Variants in HOXA1 observed in about 807,000 individuals in gnomAD.
HOXA1 encodes homeobox A1, also known as homeobox protein Hox-A1.
Under a neutral mutation model 28.3 loss-of-function variants are expected in HOXA1, and 21 were observed. That is an observed-to-expected ratio of 0.74 (90% CI 0.53 to 1.07). HOXA1 has a LOEUF of 1.07. Among genes scored for constraint, HOXA1 ranks in the 50% least tolerant of loss-of-function variants. HOXA1 has a pLI of 0.00. For synonymous variants in HOXA1, 208 were observed against 181.2 expected (o/e 1.15, Z -1.19); for missense variants, 446 against 434.3 (o/e 1.03, Z -0.24).
Position 27,095,603 on chromosome 7 carries a change from AG to A in HOXA1, c.309del (p.Phe104SerfsTer10). 6.2e-7 allele frequency: 1 copy of A among 1,614,072 alleles called. No homozygotes were observed. The highest frequency in any genetic ancestry group is 8.5e-7 in the Non-Finnish European group (1 of 1,180,010). ...SSCGPSYGSQ[N>X]FSAPYSPYAL... ...GCGTAGGGGCTGTAAGGCGCACTGA[AG>A]TTCTGTGAGCCATAGCTTGGACCAC... On this transcript the variant is annotated frameshift_variant, in exon 1 of 2. Transcript: ENST00000643460. LOFTEE classifies it high-confidence loss of function.
chr7:27,094,423 C>T lies in HOXA1; in HGVS notation c.*17G>A. The T allele has an allele frequency of 1.3e-6, 2 of 1,578,258 alleles. No homozygotes were observed. The highest frequency in any genetic ancestry group is 8.7e-7 in the Non-Finnish European group (1 of 1,147,732). On this transcript the variant is annotated 3_prime_UTR_variant, in exon 2 of 2. Transcript: ENST00000643460. The stretch of plus-strand genomic sequence containing the variant: ...CCCAAGGAGATGCCTGGGCTGTTGT[C>T]TGGGGCTGGAGCCGCCTCAGTGGGA...
chr7:27,095,823 C>G lies in HOXA1; in HGVS notation c.90G>C (p.Ser30=), dbSNP rs1783812844. The G allele has an allele frequency of 3.1e-6, 5 of 1,613,930 alleles. No individual in the cohort carries two copies. Among genetic ancestry groups the G allele is most frequent in the Non-Finnish European group, 3.4e-6 (4 of 1,179,980 alleles). The part of the protein sequence containing the change: ...SGTCSARAYP[S]DHRITTFQSC... ...ACTGGAAAGTTGTAATCCTATGGTC[C>G]GAGGGGTAGGCTCGGGCTGAGCAGG... The change falls in exon 1 of 2, where the codon TCG becomes TCC. Residue 30 remains serine (S), a synonymous_variant. Coordinates refer to ENST00000643460, the MANE Select transcript of HOXA1 (RefSeq NM_005522.5).
Position 27,094,084 on chromosome 7 carries a change from A to G in HOXA1, c.*356T>C. On this transcript the variant is annotated 3_prime_UTR_variant, in exon 2 of 2. Coordinates refer to ENST00000643460, the MANE Select transcript of HOXA1 (RefSeq NM_005522.5). ...AGGGGAGAGCTGTACATATAGTTAG[A>G]TAAAAGATGAGAAGATTCCTTCTGG... The G allele has an allele frequency of 3.3e-6, 1 of 305,548 alleles. No individual in the cohort carries two copies. Among genetic ancestry groups the G allele is most frequent in the South Asian group, 3.4e-5 (1 of 29,376 alleles). 18.9% of individuals were successfully genotyped at this position (305,548 alleles called of 1,614,324 possible). A position where few individuals can be genotyped will look rare whatever the true frequency, so the allele number is the denominator to read the frequency against.
rs73683592 is a variant in HOXA1 at position 27,093,970 on chromosome 7, A to T, written c.*470T>A. On this transcript the variant is annotated 3_prime_UTR_variant, in exon 2 of 2. Transcript: ENST00000643460. ...ACATGAAAATGACTTAAATTAAGGGATGAATTAATTGTGTAAACATATAGT... is the reference window on the plus strand; with the variant it reads ...ACATGAAAATGACTTAAATTAAGGGTTGAATTAATTGTGTAAACATATAGT... The T allele has an allele frequency of 8.8e-3, 1,422 of 161,184 alleles. 23 individuals are homozygous for T. Among genetic ancestry groups the T allele is most frequent in the African/African-American group, 0.032 (1,318 of 41,652 alleles). The allele number at this position is 161,184 out of a possible 1,614,324, so 10.0% of individuals were successfully genotyped here.
In HOXA1 at chr7:27,093,191, G is replaced by T. The variant is rs973397854; in HGVS notation, c.*1249C>A. ...GTTATTAACTTTTATTCAAGAAAAG[G>T]CCCATCTCTTTGAAAATATTTACCA... On this transcript the variant is annotated 3_prime_UTR_variant, in exon 2 of 2. Coordinates refer to ENST00000643460, the MANE Select transcript of HOXA1 (RefSeq NM_005522.5). The T allele has an allele frequency of 6.6e-6, 1 of 152,514 alleles. No homozygotes were observed. The highest frequency in any genetic ancestry group is 2.1e-4 in the South Asian group (1 of 4,822). 9.4% of individuals were successfully genotyped at this position (152,514 alleles called of 1,614,324 possible).
Position 27,094,548 on chromosome 7 carries a change from C to CG in HOXA1, c.899dup (p.Pro301AlafsTer116), listed in dbSNP as rs1315100953. The CG allele has an allele frequency of 1.9e-6, 3 of 1,614,180 alleles. No individual in the cohort carries two copies. The highest frequency in any genetic ancestry group is 2.5e-6 in the Non-Finnish European group (3 of 1,180,026). ...CCTCGGCCTTCTCGTCGTTTCCTGG[C>CG]GGGGTGGCCGGAGAGATGGGCAAGA... On this transcript the variant is annotated frameshift_variant, in exon 2 of 2. Coordinates refer to ENST00000643460, the MANE Select transcript of HOXA1 (RefSeq NM_005522.5). LOFTEE classifies it high-confidence loss of function.
chr7:27,095,117 T>G, intron 1 of HOXA1, 144 bp downstream of exon 1: 1 of 918,132 alleles, frequency 1.1e-6, no homozygotes. Context: ...CCCCAACACC[T>G]CTGGGCACCC....
Position 27,094,678 on chromosome 7 carries a change from G to A in HOXA1, c.770C>T (p.Ala257Val). The A allele has an allele frequency of 1.2e-6, 2 of 1,614,116 alleles. No homozygotes were observed. Among genetic ancestry groups the A allele is most frequent in the Non-Finnish European group, 1.7e-6 (2 of 1,179,988 alleles). The change falls in exon 2 of 2, where the codon GCC (alanine) becomes GTC (valine). Residue 257 changes from alanine to valine, a missense_variant. Ala to Val is a moderately conservative substitution (Grantham distance 64, BLOSUM62 0). Transcript: ENST00000643460. ...EFHFNKYLTR[A>V]RRVEIAASLQ... ...GGATGCAGCGATCTCCACCCTGCGG[G>A]CGCGCGTCAGGTACTTGTTGAAGTG...
chr7:27,093,600 G>A lies in HOXA1; in HGVS notation c.*840C>T, dbSNP rs1216871727. Reference sequence around the variant, plus strand: ...TATCCAGCTAAGATAACTGTGGAAGGAAGAAATTGGTTTGAATAATACTTT... The same window carrying A: ...TATCCAGCTAAGATAACTGTGGAAGAAAGAAATTGGTTTGAATAATACTTT... On this transcript the variant is annotated 3_prime_UTR_variant, in exon 2 of 2. Transcript: ENST00000643460. 2 of 152,596 alleles carry A rather than the reference G, an allele frequency of 1.3e-5. No individual in the cohort carries two copies. The highest frequency in any genetic ancestry group is 4.8e-5 in the African/African-American group (2 of 41,446). The allele number at this position is 152,596 out of a possible 1,614,324, so 9.5% of individuals were successfully genotyped here.
At chr7:27,095,174 A>G in intron 1 of HOXA1, 87 bp downstream of exon 1, 1 of 1,441,352 alleles carries the variant, frequency 6.9e-7, no homozygotes. Flanking sequence ...CTTTTAAAAA[A>G]AAGATCATTA....
rs756084993 is a variant in HOXA1, at chr7:27,094,421, G to T, written c.*19C>A. The T allele has an allele frequency of 1.3e-6, 2 of 1,562,526 alleles. No homozygotes were observed. The highest frequency in any genetic ancestry group is 1.8e-6 in the Non-Finnish European group (2 of 1,133,322). On this transcript the variant is annotated 3_prime_UTR_variant, in exon 2 of 2. Coordinates refer to ENST00000643460, the MANE Select transcript of HOXA1 (RefSeq NM_005522.5). ...AGCCCAAGGAGATGCCTGGGCTGTT[G>T]TCTGGGGCTGGAGCCGCCTCAGTGG...
chr7:27,095,847 G>A lies in HOXA1; in HGVS notation c.66C>T (p.Thr22=), dbSNP rs758043074. The part of the protein sequence containing the change: ...YPILSSGDSG[T]CSARAYPSDH... ...CCGAGGGGTAGGCTCGGGCTGAGCAGGTCCCCGAGTCGCCACTGCTAAGTA... is the reference window on the plus strand; with the variant it reads ...CCGAGGGGTAGGCTCGGGCTGAGCAAGTCCCCGAGTCGCCACTGCTAAGTA... Residue 22 remains threonine, a synonymous_variant, in exon 1 of 2, where the codon ACC becomes ACT. Coordinates refer to ENST00000643460, the MANE Select transcript of HOXA1 (RefSeq NM_005522.5). The A allele has an allele frequency of 2.5e-6, 4 of 1,613,904 alleles. No homozygotes were observed. In the Admixed American group the frequency reaches 6.7e-5, roughly 27 times the overall value.
In HOXA1 at chr7:27,095,499, G is replaced by A. The variant is rs1309905717; in HGVS notation, c.414C>T (p.Pro138=). 4 of 1,614,112 alleles carry A rather than the reference G, an allele frequency of 2.5e-6. No individual in the cohort carries two copies. Among genetic ancestry groups the A allele is most frequent in the East Asian group, 2.2e-5 (1 of 44,874 alleles). The change falls in exon 1 of 2, where the codon CCC becomes CCT. Residue 138 remains proline, a synonymous_variant. Coordinates refer to ENST00000643460, the MANE Select transcript of HOXA1 (RefSeq NM_005522.5). ...PAVYSGNLSS[P]MVQHHHHHQG... is the part of the protein sequence containing the mutation. ...GGTGGTGGTGGTGATGCTGGACCATGGGAGATGAGAGATTTCCAGAGTAAA... is the reference window on the plus strand; with the variant it reads ...GGTGGTGGTGGTGATGCTGGACCATAGGAGATGAGAGATTTCCAGAGTAAA...
In HOXA1 at chr7:27,095,820, G is replaced by A. The variant is rs1466607069; in HGVS notation, c.93C>T (p.Asp31=). Reference sequence around the variant, plus strand: ...ACGACTGGAAAGTTGTAATCCTATGGTCCGAGGGGTAGGCTCGGGCTGAGC... The same window carrying A: ...ACGACTGGAAAGTTGTAATCCTATGATCCGAGGGGTAGGCTCGGGCTGAGC... The part of the protein sequence containing the change: ...GTCSARAYPS[D]HRITTFQSCA... The change falls in exon 1 of 2, where the codon GAC becomes GAT. Residue 31 remains aspartate (D), a synonymous_variant. Transcript: ENST00000643460. 5 of 1,614,010 alleles carry A rather than the reference G, an allele frequency of 3.1e-6. No homozygotes were observed. The highest frequency in any genetic ancestry group is 1.3e-5 in the African/African-American group (1 of 75,028).
intron 1 of HOXA1, 99 bp from the exon 2 acceptor site, chr7:27,094,894 G>C: frequency 1.1e-6 from 1 of 914,946 alleles, no homozygotes; most frequent in South Asian, 1.4e-5. Context: ...GTAAAGAAAA[G>C]ATCAAGAACT....
At position 27,093,577 on chromosome 7, in the gene HOXA1, T is replaced by C. The variant is rs1481785144; in HGVS notation, c.*863A>G. 1 of 152,622 alleles carries C rather than the reference T, an allele frequency of 6.6e-6. No homozygotes were observed. Among genetic ancestry groups the C allele is most frequent in the Non-Finnish European group, 1.5e-5 (1 of 68,042 alleles). The allele number at this position is 152,622 out of a possible 1,614,324, so 9.5% of individuals were successfully genotyped here. ...ACAATTGAGCTGAAAATACATTATA[T>C]CCAGCTAAGATAACTGTGGAAGGAA... is the stretch of plus-strand genomic sequence containing the variant. On this transcript the variant is annotated 3_prime_UTR_variant, in exon 2 of 2. Coordinates refer to ENST00000643460, the MANE Select transcript of HOXA1 (RefSeq NM_005522.5).
intron 1 of HOXA1, 31 bp downstream of exon 1, chr7:27,095,230 C>G: frequency 6.2e-7 from 1 of 1,606,592 alleles, no homozygotes; most frequent in Non-Finnish European, 8.5e-7. Context: ...CCAGAATAAT[C>G]AAGGAGCATC....
At chr7:27,094,880 T>C in intron 1 of HOXA1, 85 bp from the exon 2 acceptor site, 1 of 1,009,242 alleles carries the variant, frequency 9.9e-7, no homozygotes, top group African/African-American at 1.6e-5. Flanking sequence ...ATGGCAACAC[T>C]CAGGTAAAGA....
chr7:27,094,688 G>C lies in HOXA1; in HGVS notation c.760C>G (p.Leu254Val), dbSNP rs772208835. The part of the protein sequence containing the change: ...LEKEFHFNKY[L>V]TRARRVEIAA... Reference sequence around the variant, plus strand: ...ATCTCCACCCTGCGGGCGCGCGTCAGGTACTTGTTGAAGTGGAACTCCTTC... The same window carrying C: ...ATCTCCACCCTGCGGGCGCGCGTCACGTACTTGTTGAAGTGGAACTCCTTC... The change falls in exon 2 of 2, where the codon CTG becomes GTG. Residue 254 changes from leucine (L) to valine (V), a missense_variant. Coordinates refer to ENST00000643460, the MANE Select transcript of HOXA1 (RefSeq NM_005522.5). 8 of 1,614,162 alleles carry C rather than the reference G, an allele frequency of 5.0e-6. No individual in the cohort carries two copies. The highest frequency in any genetic ancestry group is 4.2e-6 in the Non-Finnish European group (5 of 1,180,022).
Sources: allele counts gnomAD v4.1 joint callset, GRCh38; gene constraint gnomAD v4.1.1; transcripts MANE v1.5; gene names NCBI Gene and HGNC (gene_info 2026-07-23, HGNC 2026-07-21).